Variants in CABIN1 observed in about 807,000 individuals in gnomAD.
The protein encoded by CABIN1 is calcineurin binding protein 1, also known as calcineurin-binding protein cabin-1.
A neutral mutation model predicts 227.7 loss-of-function variants in CABIN1; 133 were observed. The observed-to-expected ratio is 0.58, with a 90% CI of 0.51 to 0.67. The LOEUF (loss-of-function observed/expected upper bound fraction) is 0.67, where lower values mean the gene tolerates loss of function less well. Among genes scored for constraint, CABIN1 ranks in the 30% least tolerant of loss-of-function variants. The pLI is 0.00. For missense variants in CABIN1, 2,408 were observed against 2,852.5 expected, an observed-to-expected ratio of 0.84 and a Z score of 3.55; for synonymous variants, 1,086 against 1,155.1, an observed-to-expected ratio of 0.94 and a Z score of 1.21.
At chr22:24,046,414 C>T (rs1442814102) in intron 6 of CABIN1, among the ~76,000 whole-genome samples, 1 of 152,082 alleles carries the variant, frequency 6.6e-6, no homozygotes, top group Non-Finnish European at 1.5e-5. Context: ...GATAGTTGTA[C>T]AGGGCTGTGT....
Position 24,063,004 on chromosome 22 carries a change from G to T in CABIN1, c.1742G>T (p.Gly581Val), listed in dbSNP as rs1469878232. ...CPAGMVNGRF[G>V]PDFPGTHCLG... ...GCTGGTATGGTGAATGGCAGATTTG[G>T]ACCTGACTTCCCAGGGACCCACTGC... The change falls in exon 14 of 37, where the codon GGA becomes GTA. Residue 581 changes from glycine (G) to valine (V), a missense_variant. Coordinates refer to ENST00000263119, the MANE Select transcript of CABIN1 (RefSeq NM_012295.4). 1 of 1,614,192 alleles carries T rather than the reference G, an allele frequency of 6.2e-7. No homozygotes were observed.
At position 24,171,657 on chromosome 22, in the gene CABIN1, A is replaced by G. The variant is rs2046818143; in HGVS notation, c.5758-56A>G. 7.5e-6 allele frequency: 12 copies of G among 1,605,464 alleles called. No homozygotes were observed. The South Asian group carries it at 1.2e-4, about 16-fold the overall frequency. ...GCACTGGTCGGCTGGCGGGCAGAGCAGCGTGGGCTCAGGGCTGCCTAGCCA... is the reference window on the plus strand; with the variant it reads ...GCACTGGTCGGCTGGCGGGCAGAGCGGCGTGGGCTCAGGGCTGCCTAGCCA... On this transcript the variant is annotated intron_variant, in intron 33 of 36. Coordinates refer to ENST00000263119, the MANE Select transcript of CABIN1 (RefSeq NM_012295.4).
At chr22:24,098,272 G>T in intron 26 of CABIN1, 80 bp downstream of exon 26, 2 of 1,576,412 alleles carry the variant, frequency 1.3e-6, no homozygotes, top group Non-Finnish European at 1.7e-6. Flanking sequence ...TCATTTTGTC[G>T]CTTCGTTTTG....
At chr22:24,155,979 C>A in intron 29 of CABIN1, 1 of 553,880 alleles carries the variant, frequency 1.8e-6, no homozygotes, top group South Asian at 2.1e-5. Context: ...CCTGCCCCGC[C>A]CCGGCCCGCC....
At chr22:24,067,741 T>C (rs2039793424) in intron 16 of CABIN1, among the ~76,000 whole-genome samples, 1 of 152,192 alleles carries the variant, frequency 6.6e-6, no homozygotes, top group Non-Finnish European at 1.5e-5. Flanking sequence ...TCAACCTCTC[T>C]GAGCTCAGTT....
At chr22:24,094,349 G>A (rs1179693257) in intron 24 of CABIN1, among the ~76,000 whole-genome samples, 1 of 152,220 alleles carries the variant, frequency 6.6e-6, no homozygotes, top group Non-Finnish European at 1.5e-5. Context: ...GGTACCAGCA[G>A]CTTCCATATG....
In CABIN1 at chr22:24,013,053, GC is replaced by G. The variant is rs367830690; in HGVS notation, c.-75+1689del. On this transcript the variant is annotated intron_variant, in intron 1 of 36. Transcript: ENST00000263119. Reference sequence around the variant, plus strand: ...TGGGATTACAGGCGTCAGACACCGCGCCCGGCCTCAATAGCTTTTTTTTTTT... The same window carrying G: ...TGGGATTACAGGCGTCAGACACCGCGCCGGCCTCAATAGCTTTTTTTTTTT... Among the ~76,000 whole-genome samples, 13 of 151,674 alleles carry G rather than the reference GC, an allele frequency of 8.6e-5. No homozygotes were observed. The South Asian group carries it at 2.7e-3, about 32-fold the overall frequency.
At position 24,178,229 on chromosome 22, in the gene CABIN1, G is replaced by C. The variant is rs2047227852; in HGVS notation, c.*33G>C. On this transcript the variant is annotated 3_prime_UTR_variant, in exon 37 of 37. Coordinates refer to ENST00000263119, the MANE Select transcript of CABIN1 (RefSeq NM_012295.4). The stretch of plus-strand genomic sequence containing the variant: ...CTGCAGCCCCACCGCCACGCCCCAG[G>C]GGACCAGCCAGGCCTGGAATGCCCC... The C allele has an allele frequency of 2.5e-6, 4 of 1,611,642 alleles. No individual in the cohort carries two copies. In the South Asian group the frequency reaches 3.3e-5, roughly 13 times the overall value.
At chr22:24,083,458 AT>A in intron 20 of CABIN1, 69 bp downstream of exon 20, 1 of 1,557,926 alleles carries the variant, frequency 6.4e-7, no homozygotes, top group Non-Finnish European at 8.8e-7. Context: ...AGGATGTCAT[AT>A]TTGTCAACAG....
intron 29 of CABIN1, among the ~76,000 whole-genome samples, chr22:24,150,064 C>T (rs1418406093): frequency 6.6e-6 from 1 of 152,178 alleles, no homozygotes; most frequent in African/African-American, 2.4e-5. Context: ...AAGGCTGGCT[C>T]CCAAGGGCTA....
At chr22:24,163,840 C>T (rs1243797990) in intron 29 of CABIN1, among the ~76,000 whole-genome samples, 1 of 152,200 alleles carries the variant, frequency 6.6e-6, no homozygotes, top group East Asian at 1.9e-4. Flanking sequence ...CAACTTTGCC[C>T]TGGTTAAGCC....
At chr22:24,152,551 G>A (rs1234569926) in intron 29 of CABIN1, among the ~76,000 whole-genome samples, 1 of 152,206 alleles carries the variant, frequency 6.6e-6, no homozygotes, top group African/African-American at 2.4e-5. Flanking sequence ...AGGGAGGCAG[G>A]TAAGCAGCAG....
rs374383341 is a variant in CABIN1, at chr22:24,060,106, C to T, written c.1582C>T (p.Pro528Ser). The T allele has an allele frequency of 1.9e-6, 3 of 1,613,950 alleles. No homozygotes were observed. The highest frequency in any genetic ancestry group is 2.5e-6 in the Non-Finnish European group (3 of 1,180,006). ...WRRHSTSLPN[P>S]LLRDCSNKHI... ...GAGGCACAGCACCAGCCTGCCCAAC[C>T]CGCTGCTGAGGGACTGCAGCAACAA... Residue 528 changes from proline to serine, a missense_variant, in exon 12 of 37, where the codon CCG (proline) becomes TCG (serine). Pro to Ser is a moderately conservative substitution (Grantham distance 74). This residue lies in a region of CABIN1 where 1,045 missense variants were observed against 1,168.4 expected (regional missense o/e 0.89). Coordinates refer to ENST00000263119, the MANE Select transcript of CABIN1 (RefSeq NM_012295.4).
intron 26 of CABIN1, among the ~76,000 whole-genome samples, chr22:24,104,830 C>T (rs1014063688): frequency 1.3e-5 from 2 of 152,176 alleles, no homozygotes; most frequent in African/African-American, 2.4e-5. Flanking sequence ...TCTTAGAAAC[C>T]TGTTGTTTCC....
At chr22:24,166,510 C>A in intron 31 of CABIN1, 129 bp from the exon 32 acceptor site, 2 of 1,143,734 alleles carry the variant, frequency 1.7e-6, no homozygotes, top group Non-Finnish European at 2.6e-6. Context: ...CCCTGGCCAG[C>A]TGGCAGATGT....
At chr22:24,019,352 G>A (rs2035540999) in intron 1 of CABIN1, among the ~76,000 whole-genome samples, 2 of 150,926 alleles carry the variant, frequency 1.3e-5, no homozygotes, top group Non-Finnish European at 1.5e-5. Flanking sequence ...GGCTAGCCTC[G>A]AACTCCTGAC....
chr22:24,156,632 C>T (rs1008864852), intron 29 of CABIN1: 2 of 152,430 alleles, frequency 1.3e-5, no homozygotes, highest in East Asian at 1.9e-4. Flanking sequence ...GCTTCGCTAG[C>T]TATAAATAGG....
At chr22:24,121,355 G>C (rs2043399246) in intron 28 of CABIN1, among the ~76,000 whole-genome samples, 1 of 152,204 alleles carries the variant, frequency 6.6e-6, no homozygotes, top group Non-Finnish European at 1.5e-5. Context: ...TGACTTGGTT[G>C]ATTTCCTCAG....
intron 4 of CABIN1, among the ~76,000 whole-genome samples, chr22:24,038,963 A>G (rs1242780509): frequency 6.6e-6 from 1 of 152,192 alleles, no homozygotes; most frequent in Non-Finnish European, 1.5e-5. Context: ...ATATAGTCAG[A>G]AGGACTGGGG....
Sources: gnomAD v4.1 joint callset for allele counts (sites outside exome capture counted in the v4.1 genomes callset) on GRCh38, gnomAD v4.1.1 for gene constraint, gnomAD v4.1.1 regional missense constraint, MANE v1.5 for transcripts, NCBI Gene and HGNC (gene_info 2026-07-23, HGNC 2026-07-21) for gene names.